Variants in KCNMB4 observed in about 807,000 individuals in gnomAD.
KCNMB4 encodes the protein potassium calcium-activated channel subfamily M regulatory beta subunit 4.
Under a neutral mutation model 20.7 loss-of-function variants are expected in KCNMB4, and 3 were observed. The observed-to-expected ratio is 0.14, with a 90% CI of 0.07 to 0.37. KCNMB4 has a LOEUF of 0.37. Among genes scored for constraint, KCNMB4 ranks in the 10% least tolerant of loss-of-function variants. The pLI, the probability that KCNMB4 is intolerant of heterozygous loss-of-function variation, is 1.00. For synonymous variants in KCNMB4, 110 were observed against 113.4 expected (o/e 0.97, Z 0.19); for missense variants, 168 against 265.9 (o/e 0.63, Z 2.56).
chr12:70,386,506 A>G (rs982041492), intron 1 of KCNMB4, among the ~76,000 whole-genome samples: 2 of 152,000 alleles, frequency 1.3e-5, no homozygotes, highest in African/African-American at 2.4e-5. Context: ...CAGAAAAGAA[A>G]TGTTCATTTA....
At chr12:70,430,451 T>G (rs765563466) in intron 2 of KCNMB4, 34 bp from the exon 3 acceptor site, 2 of 1,609,666 alleles carry the variant, frequency 1.2e-6, no homozygotes, top group African/African-American at 2.7e-5. Flanking sequence ...GGCATTTGAC[T>G]GCCCTTTCTT....
chr12:70,374,172 T>G (rs898893242), intron 1 of KCNMB4, among the ~76,000 whole-genome samples: 5 of 152,196 alleles, frequency 3.3e-5, no homozygotes, highest in African/African-American at 1.2e-4. Context: ...ATTTGTGACA[T>G]TACAATACAT....
chr12:70,407,942 T>C (rs945271192), intron 2 of KCNMB4, among the ~76,000 whole-genome samples: 1 of 152,220 alleles, frequency 6.6e-6, no homozygotes, highest in Non-Finnish European at 1.5e-5. Context: ...ACAAGGGTTT[T>C]ACAAGTTCTG....
At chr12:70,376,270 C>T (rs1348259594) in intron 1 of KCNMB4, among the ~76,000 whole-genome samples, 1 of 151,770 alleles carries the variant, frequency 6.6e-6, no homozygotes, top group Non-Finnish European at 1.5e-5. Context: ...AAAGCTTTAC[C>T]CCTAAGATCA....
chr12:70,391,661 G>C (rs1450443376), intron 1 of KCNMB4, among the ~76,000 whole-genome samples: 1 of 152,184 alleles, frequency 6.6e-6, no homozygotes, highest in African/African-American at 2.4e-5. Flanking sequence ...GAAGAATATA[G>C]TCTGAGGTCC....
chr12:70,376,275 A>G (rs1883685288), intron 1 of KCNMB4, among the ~76,000 whole-genome samples: 1 of 152,092 alleles, frequency 6.6e-6, no homozygotes, highest in South Asian at 2.1e-4. Flanking sequence ...TTTACCCCTA[A>G]GATCAAGAAG....
intron 1 of KCNMB4, among the ~76,000 whole-genome samples, chr12:70,373,182 A>G (rs1439758231): frequency 2.4e-4 from 37 of 152,224 alleles, no homozygotes; most frequent in Admixed American, 2.4e-3. Context: ...CCCTTCCACG[A>G]TGTCCACATC....
chr12:70,372,377 G>A (rs1041744385), intron 1 of KCNMB4, among the ~76,000 whole-genome samples: 3 of 152,224 alleles, frequency 2.0e-5, no homozygotes, highest in East Asian at 3.8e-4. Context: ...GAATTTATAT[G>A]TATGTTTACA....
chr12:70,374,373 T>A (rs567045167), intron 1 of KCNMB4, among the ~76,000 whole-genome samples: 1 of 152,302 alleles, frequency 6.6e-6, no homozygotes, highest in South Asian at 2.1e-4. Flanking sequence ...CAATTCAGTT[T>A]AGTTCCTAGA....
intron 2 of KCNMB4, among the ~76,000 whole-genome samples, chr12:70,413,292 A>G (rs764058224): frequency 6.6e-6 from 1 of 152,214 alleles, no homozygotes; most frequent in Non-Finnish European, 1.5e-5. Context: ...AGCTTTTATC[A>G]TCGTGGCATT....
chr12:70,384,024 G>T (rs563456085), intron 1 of KCNMB4, among the ~76,000 whole-genome samples: 1 of 152,100 alleles, frequency 6.6e-6, no homozygotes, highest in Non-Finnish European at 1.5e-5. Context: ...AGCCGAGACC[G>T]TGCCACTGCA....
chr12:70,387,692 A>T (rs544627122), intron 1 of KCNMB4, among the ~76,000 whole-genome samples: 3 of 151,780 alleles, frequency 2.0e-5, no homozygotes, highest in Admixed American at 6.6e-5. Context: ...ATTTTTGTGG[A>T]TACATAGTAG....
chr12:70,370,432 C>T (rs1452936379), intron 1 of KCNMB4, among the ~76,000 whole-genome samples: 4 of 151,690 alleles, frequency 2.6e-5, no homozygotes, highest in Non-Finnish European at 4.4e-5. Flanking sequence ...CTCAGCCTCC[C>T]GAGTAGCTGG....
chr12:70,422,860 C>A, intron 2 of KCNMB4: 1 of 1,194,084 alleles, frequency 8.4e-7, no homozygotes, highest in Admixed American at 3.6e-5. Flanking sequence ...GTGAGTAAAA[C>A]CTTTTAAAAA....
intron 2 of KCNMB4, among the ~76,000 whole-genome samples, chr12:70,420,882 C>A (rs2136140855): frequency 6.6e-6 from 1 of 151,932 alleles, no homozygotes; most frequent in East Asian, 2.0e-4. Context: ...CACGGTGAAA[C>A]CCCGTCTCTA....
chr12:70,387,225 TA>T (rs66985177), intron 1 of KCNMB4, among the ~76,000 whole-genome samples: 16,824 of 151,966 alleles, frequency 0.11, 1,239 homozygotes, highest in Non-Finnish European at 0.17. Flanking sequence ...TGAAAGAGCC[TA>T]TTTTTTGCAG....
intron 1 of KCNMB4, among the ~76,000 whole-genome samples, chr12:70,391,950 C>T (rs1038571918): frequency 6.6e-6 from 1 of 152,132 alleles, no homozygotes; most frequent in Non-Finnish European, 1.5e-5. Context: ...TAATGCAGCT[C>T]TCTTTAGAAA....
In KCNMB4 at chr12:70,418,550, A is replaced by G. The variant is rs915341749; in HGVS notation, c.465-11935A>G. ...ACCTGCTTTTAGGCCCTTGGATATA[A>G]TCTTATTTCATTTAAAAGATTTTGA... On this transcript the variant is annotated intron_variant, in intron 2 of 2. Coordinates refer to ENST00000258111, the MANE Select transcript of KCNMB4 (RefSeq NM_014505.6). 2.0e-5 allele frequency among the ~76,000 whole-genome samples: 3 copies of G among 152,272 alleles called. No individual in the cohort carries two copies. The East Asian group carries it at 5.8e-4, about 29-fold the overall frequency.
At chr12:70,400,902 T>C (rs1868432368) in intron 2 of KCNMB4, among the ~76,000 whole-genome samples, 1 of 152,226 alleles carries the variant, frequency 6.6e-6, no homozygotes, top group African/African-American at 2.4e-5. Context: ...AAACCTTCAC[T>C]TGCTCCCATA....
Sources: allele counts gnomAD v4.1 joint callset (sites outside exome capture counted in the v4.1 genomes callset), GRCh38; gene constraint gnomAD v4.1.1; transcripts MANE v1.5; gene names NCBI Gene and HGNC (gene_info 2026-07-23, HGNC 2026-07-21).